The following RAB28 variants were observed in gnomAD, a reference collection of about 807,000 sequenced individuals.
RAB28 encodes the protein ras-related protein Rab-28.
A neutral mutation model predicts 31.7 loss-of-function variants in RAB28; 24 were observed. That is an observed-to-expected ratio of 0.76 (90% CI 0.55 to 1.06). RAB28 has a LOEUF of 1.06. RAB28 is among the 50% of genes least tolerant of loss of function. RAB28 has a pLI of 0.00. For synonymous variants in RAB28, 100 were observed against 90.4 expected (o/e 1.11, Z -0.60); for missense variants, 254 against 258.5 (o/e 0.98, Z 0.12).
chr4:13,428,908 G>T lies in RAB28; in HGVS notation c.391+31791C>A, dbSNP rs1713658351. On this transcript the variant is annotated intron_variant, in intron 4 of 6. Transcript: ENST00000330852. ...AATGATCATCTAAATAAATGCCGAA[G>T]AAGCATTTGGCAAAAATTCTAATAC... is the stretch of plus-strand genomic sequence containing the variant. 2.0e-5 allele frequency among the ~76,000 whole-genome samples: 3 copies of T among 149,742 alleles called. No individual in the cohort carries two copies. In the South Asian group the frequency reaches 6.3e-4, roughly 31 times the overall value.
chr4:13,469,720 G>A (rs1199853181), intron 3 of RAB28, among the ~76,000 whole-genome samples: 1 of 151,888 alleles, frequency 6.6e-6, no homozygotes, highest in East Asian at 1.9e-4. Context: ...TTTAAGAGAT[G>A]GGGTCTTGCT....
chr4:13,436,881 C>CA (rs1041864152), intron 4 of RAB28, among the ~76,000 whole-genome samples: 31 of 151,212 alleles, frequency 2.1e-4, no homozygotes, highest in African/African-American at 4.6e-4. Context: ...CGTATGGAAC[C>CA]AAAAAAAACA....
At chr4:13,405,328 A>G (rs1466829689) in intron 4 of RAB28, among the ~76,000 whole-genome samples, 1 of 152,198 alleles carries the variant, frequency 6.6e-6, no homozygotes, top group Non-Finnish European at 1.5e-5. Flanking sequence ...AATATGTTCT[A>G]TGAAGCTGAA....
intron 6 of RAB28, chr4:13,370,246 A>C: frequency 1.0e-6 from 1 of 967,158 alleles, no homozygotes; most frequent in Non-Finnish European, 1.2e-6. Context: ...TGAACTTCCC[A>C]AATTGTAAGT....
At chr4:13,476,346 A>G (rs1226492919) in intron 2 of RAB28, among the ~76,000 whole-genome samples, 1 of 151,588 alleles carries the variant, frequency 6.6e-6, no homozygotes, top group Admixed American at 6.6e-5. Flanking sequence ...GCCTTTCTAA[A>G]TAAACCCTGT....
At chr4:13,405,574 TC>T (rs1237712614) in intron 4 of RAB28, among the ~76,000 whole-genome samples, 1 of 152,152 alleles carries the variant, frequency 6.6e-6, no homozygotes, top group Non-Finnish European at 1.5e-5. Context: ...CAAGCGTCTT[TC>T]CCAATATTTG....
intron 4 of RAB28, chr4:13,459,757 A>G (rs1305989941): frequency 9.1e-7 from 1 of 1,100,144 alleles, no homozygotes; most frequent in Non-Finnish European, 1.1e-6. Flanking sequence ...GGAGCAAGAA[A>G]CAATGCATAT....
At chr4:13,382,475 G>C (rs1308221330) in intron 4 of RAB28, among the ~76,000 whole-genome samples, 1 of 151,530 alleles carries the variant, frequency 6.6e-6, no homozygotes, top group African/African-American at 2.4e-5. Flanking sequence ...CAAATGACTT[G>C]TAAAAACTTG....
Position 13,446,384 on chromosome 4 carries a change from C to T in RAB28, c.391+14315G>A, listed in dbSNP as rs191692371. Among the ~76,000 whole-genome samples, 278 of 152,286 alleles carry T rather than the reference C, an allele frequency of 1.8e-3. 1 individual carries two copies. Among genetic ancestry groups the T allele is most frequent in the African/African-American group, 6.2e-3 (259 of 41,558 alleles). On this transcript the variant is annotated intron_variant, in intron 4 of 6. Coordinates refer to ENST00000330852, the MANE Select transcript of RAB28 (RefSeq NM_001017979.3). ...CTTTCCAGGGGAGTGGACAGTTTTC[C>T]TGTCTCACTGGAGTTCCAGGTGCCA...
chr4:13,371,577 T>A, intron 6 of RAB28: 1 of 985,302 alleles, frequency 1.0e-6, no homozygotes, highest in Non-Finnish European at 1.2e-6. Flanking sequence ...ACAGCATCAT[T>A]CTCAGGGGCT....
chr4:13,481,072 T>C (rs976201831), intron 1 of RAB28, among the ~76,000 whole-genome samples: 1 of 152,040 alleles, frequency 6.6e-6, no homozygotes, highest in African/African-American at 2.4e-5. Context: ...ATTCACGTAA[T>C]GTCATTTGAG....
chr4:13,374,743 C>G (rs973842209), intron 6 of RAB28, among the ~76,000 whole-genome samples: 1 of 152,068 alleles, frequency 6.6e-6, no homozygotes, highest in Admixed American at 6.6e-5. Context: ...GTCTTTTTCA[C>G]ATGGTAGCAG....
intron 6 of RAB28, among the ~76,000 whole-genome samples, chr4:13,369,029 T>C (rs1728618112): frequency 6.6e-6 from 1 of 152,108 alleles, no homozygotes; most frequent in African/African-American, 2.4e-5. Flanking sequence ...AAGTAAAAAA[T>C]AGCATTATTG....
At chr4:13,411,541 G>C (rs1413341115) in intron 4 of RAB28, among the ~76,000 whole-genome samples, 1 of 152,174 alleles carries the variant, frequency 6.6e-6, no homozygotes, top group Non-Finnish European at 1.5e-5. Flanking sequence ...AAGCATACTT[G>C]TGTTATTTTG....
chr4:13,381,549 C>T lies in RAB28; in HGVS notation c.437G>A (p.Arg146Gln), dbSNP rs775152229. The change falls in exon 5 of 7, where the codon CGG becomes CAG. Residue 146 changes from arginine to glutamine, a missense_variant. Physicochemically the swap from Arg to Gln is conservative, Grantham distance 43. Coordinates refer to ENST00000330852, the MANE Select transcript of RAB28 (RefSeq NM_001017979.3). ...ACTAAAACCATTTTCCTGGCAAAAC[C>T]GTAAGTGTTTTTCAGGTTTTATTGT... Reference protein sequence around the residue: ...MRTIKPEKHLRFCQENGFSSH... With the variant: ...MRTIKPEKHLQFCQENGFSSH... 1.1e-5 allele frequency: 17 copies of T among 1,613,014 alleles called. No individual in the cohort carries two copies. In the South Asian group the frequency reaches 1.5e-4, roughly 15 times the overall value.
At chr4:13,399,571 G>A (rs1404630266) in intron 4 of RAB28, among the ~76,000 whole-genome samples, 1 of 152,148 alleles carries the variant, frequency 6.6e-6, no homozygotes, top group Non-Finnish European at 1.5e-5. Context: ...ATGAGTTCCT[G>A]TAGATTGACA....
chr4:13,428,916 T>C (rs1713658809), intron 4 of RAB28, among the ~76,000 whole-genome samples: 1 of 151,390 alleles, frequency 6.6e-6, no homozygotes, highest in Non-Finnish European at 1.5e-5. Flanking sequence ...AAGAAGCATT[T>C]GGCAAAAATT....
intron 6 of RAB28, among the ~76,000 whole-genome samples, chr4:13,373,760 ATATT>A (rs1451659146): frequency 1.3e-5 from 2 of 152,302 alleles, no homozygotes; most frequent in Non-Finnish European, 2.9e-5. Context: ...CTCACTGTAA[ATATT>A]TATGTCACAA....
intron 4 of RAB28, among the ~76,000 whole-genome samples, chr4:13,395,140 AG>A (rs1729816564): frequency 6.6e-6 from 1 of 152,240 alleles, no homozygotes; most frequent in Non-Finnish European, 1.5e-5. Context: ...AGTTTTATTT[AG>A]ATTTTTAATT....
Sources: gnomAD v4.1 joint callset for allele counts (sites outside exome capture counted in the v4.1 genomes callset) on GRCh38, gnomAD v4.1.1 for gene constraint, MANE v1.5 for transcripts, NCBI Gene and HGNC (gene_info 2026-07-23, HGNC 2026-07-21) for gene names.